The following CTNNA3 variants were observed in gnomAD, a reference collection of about 807,000 sequenced individuals.
The protein encoded by CTNNA3 is catenin alpha 3, also known as catenin alpha-3.
CTNNA3 carries 76 observed loss-of-function variants against 95.7 expected under a neutral mutation model. The ratio of observed to expected loss-of-function variants is 0.79; its 90% CI spans 0.66 to 0.96. CTNNA3 has a LOEUF of 0.96. CTNNA3 is among the 40% of genes least tolerant of loss of function. The pLI, the probability that CTNNA3 is intolerant of heterozygous loss-of-function variation, is 0.00. For missense variants in CTNNA3, 1,191 were observed against 1,089.8 expected (o/e 1.09, Z -1.31); for synonymous variants, 431 against 374.4 (o/e 1.15, Z -1.74).
chr10:66,403,342 G>A (rs1408351485), intron 11 of CTNNA3, among the ~76,000 whole-genome samples: 2 of 152,082 alleles, frequency 1.3e-5, no homozygotes, highest in Non-Finnish European at 2.9e-5. Flanking sequence ...ACATACCTGT[G>A]ACCAGGTAAT....
At chr10:67,321,182 G>A (rs753214621) in intron 5 of CTNNA3, among the ~76,000 whole-genome samples, 11 of 152,158 alleles carry the variant, frequency 7.2e-5, no homozygotes, top group Non-Finnish European at 1.2e-4. Context: ...AAAGAGAGAA[G>A]ATAAGCACTA....
At chr10:67,252,308 G>A (rs1402887803) in intron 5 of CTNNA3, among the ~76,000 whole-genome samples, 2 of 151,784 alleles carry the variant, frequency 1.3e-5, no homozygotes, top group African/African-American at 4.8e-5. Flanking sequence ...TGAGGTTGAA[G>A]GAGGCAGTAC....
intron 3 of CTNNA3, among the ~76,000 whole-genome samples, chr10:67,557,017 G>A (rs1325757942): frequency 1.3e-5 from 2 of 152,168 alleles, no homozygotes; most frequent in Admixed American, 1.3e-4. Context: ...TATGTACCCA[G>A]TAGTCATTCA....
At chr10:66,497,647 CTGAT>C (rs1840142786) in intron 11 of CTNNA3, among the ~76,000 whole-genome samples, 1 of 152,036 alleles carries the variant, frequency 6.6e-6, no homozygotes, top group African/African-American at 2.4e-5. Context: ...AAACTGTACT[CTGAT>C]TGACATGGCA....
At position 66,055,100 on chromosome 10, in the gene CTNNA3, T is replaced by A. The variant is rs140655653; in HGVS notation, c.2159+14208A>T. Among the ~76,000 whole-genome samples the A allele has an allele frequency of 4.0e-4, 61 of 152,318 alleles. 1 individual carries two copies. In the East Asian group the frequency reaches 0.011, roughly 28 times the overall value. On this transcript the variant is annotated intron_variant, in intron 15 of 17. Transcript: ENST00000433211. ...GTCTGTGTGTCTGTTTTTATGCCAG[T>A]ATCATGCTGTTTGGGGTACTATAGC...
intron 5 of CTNNA3, among the ~76,000 whole-genome samples, chr10:67,304,704 T>C (rs1840465837): frequency 6.6e-6 from 1 of 152,140 alleles, no homozygotes; most frequent in African/African-American, 2.4e-5. Context: ...TCTGACGTTA[T>C]GCTAGTTGCT....
chr10:66,203,946 A>C (rs2087597435), intron 13 of CTNNA3, among the ~76,000 whole-genome samples: 1 of 152,094 alleles, frequency 6.6e-6, no homozygotes, highest in East Asian at 1.9e-4. Flanking sequence ...CACGTATTTC[A>C]CATTTACTAC....
intron 16 of CTNNA3, among the ~76,000 whole-genome samples, chr10:65,981,976 C>A (rs1359952570): frequency 6.6e-6 from 1 of 151,644 alleles, no homozygotes; most frequent in East Asian, 1.9e-4. Context: ...GCAAATGCAA[C>A]AAAAACAAGG....
At chr10:66,396,690 A>G (rs2132546234) in intron 11 of CTNNA3, among the ~76,000 whole-genome samples, 1 of 152,076 alleles carries the variant, frequency 6.6e-6, no homozygotes. Flanking sequence ...TAGTTCCCAA[A>G]TTATCACCCT....
intron 11 of CTNNA3, among the ~76,000 whole-genome samples, chr10:66,382,447 C>T (rs1349070652): frequency 2.1e-5 from 3 of 142,748 alleles, no homozygotes; most frequent in Non-Finnish European, 4.7e-5. Context: ...CTAGGTGGAG[C>T]CCACCGAGCT....
intron 7 of CTNNA3, among the ~76,000 whole-genome samples, chr10:67,163,907 G>A (rs1006694166): frequency 2.2e-4 from 33 of 151,856 alleles, no homozygotes; most frequent in African/African-American, 8.0e-4. Context: ...GAAACAATTA[G>A]GTATAAGTCT....
chr10:67,344,953 T>A (rs959847248), intron 5 of CTNNA3, among the ~76,000 whole-genome samples: 1 of 151,978 alleles, frequency 6.6e-6, no homozygotes, highest in Non-Finnish European at 1.5e-5. Flanking sequence ...TTGAAGTTTT[T>A]TTTTCTTTTT....
chr10:66,005,682 C>G (rs776471377), intron 15 of CTNNA3, among the ~76,000 whole-genome samples: 1 of 152,024 alleles, frequency 6.6e-6, no homozygotes, highest in Non-Finnish European at 1.5e-5. Context: ...TATATAAATA[C>G]TCCTTGAAAG....
chr10:66,540,171 G>T (rs2132074364), intron 10 of CTNNA3, among the ~76,000 whole-genome samples: 1 of 152,122 alleles, frequency 6.6e-6, no homozygotes, highest in South Asian at 2.1e-4. Flanking sequence ...AATCTATTTA[G>T]GATGGCAGGA....
chr10:66,656,412 T>C (rs748108571), intron 9 of CTNNA3, among the ~76,000 whole-genome samples: 8 of 152,088 alleles, frequency 5.3e-5, no homozygotes, highest in Non-Finnish European at 7.4e-5. Flanking sequence ...GAAAGAATGA[T>C]TTTTGTAGCC....
chr10:66,019,876 G>C (rs1033528133), intron 15 of CTNNA3, among the ~76,000 whole-genome samples: 4 of 152,112 alleles, frequency 2.6e-5, no homozygotes, highest in Admixed American at 6.6e-5. Flanking sequence ...TAGTCCATTA[G>C]TGTTTCCTCT....
At chr10:67,758,331 C>T (rs796630267) in intron 1 of CTNNA3, among the ~76,000 whole-genome samples, 3,356 of 149,116 alleles carry the variant, frequency 0.023, 121 homozygotes, top group African/African-American at 0.074. Flanking sequence ...TATACACACA[C>T]ACACACACAC....
At chr10:67,167,273 T>C (rs988578866) in intron 7 of CTNNA3, among the ~76,000 whole-genome samples, 2 of 152,144 alleles carry the variant, frequency 1.3e-5, no homozygotes, top group African/African-American at 2.4e-5. Context: ...ACATACAAGA[T>C]ACCATATTTA....
intron 7 of CTNNA3, among the ~76,000 whole-genome samples, chr10:66,804,233 C>G (rs959501030): frequency 7.2e-5 from 11 of 151,982 alleles, no homozygotes; most frequent in Non-Finnish European, 1.5e-4. Flanking sequence ...CAACCCAAAA[C>G]TTGCTGGTTT....
Sources: allele counts gnomAD v4.1 joint callset (sites outside exome capture counted in the v4.1 genomes callset), GRCh38; gene constraint gnomAD v4.1.1; transcripts MANE v1.5; gene names NCBI Gene and HGNC (gene_info 2026-07-23, HGNC 2026-07-21).